Variants in NBAS observed in about 807,000 individuals in gnomAD.
The protein encoded by NBAS is NAG/BC035112 fusion.
A neutral mutation model predicts 302.5 loss-of-function variants in NBAS; 219 were observed. The observed-to-expected ratio is 0.72, with a 90% confidence interval of 0.65 to 0.81. The LOEUF is 0.81. Among genes scored for constraint, NBAS ranks in the 30% least tolerant of loss-of-function variants. The probability of loss-of-function intolerance (pLI) is 0.00; values close to 1 mark genes in which losing one functional copy is unlikely to be tolerated. For synonymous variants in NBAS, 1,118 were observed against 1,021.6 expected (o/e 1.09, Z -1.80); for missense variants, 2,932 against 2,841.6 (o/e 1.03, Z -0.72).
chr2:15,282,844 T>C (rs1310016212), intron 42 of NBAS, among the ~76,000 whole-genome samples: 1 of 152,210 alleles, frequency 6.6e-6, no homozygotes, highest in Non-Finnish European at 1.5e-5. Context: ...ATGGTCTTCC[T>C]TTAGTTACTC....
chr2:15,244,132 A>C (rs1667983762), intron 44 of NBAS, among the ~76,000 whole-genome samples: 1 of 152,236 alleles, frequency 6.6e-6, no homozygotes, highest in Non-Finnish European at 1.5e-5. Flanking sequence ...ATTTCAAAAC[A>C]AATGAAAAGA....
At chr2:14,856,945 C>T in the NBAS span, among the ~76,000 whole-genome samples, 1 of 152,146 alleles carries the variant, frequency 6.6e-6, no homozygotes, top group South Asian at 2.1e-4. Context: ...CACAAGAAAA[C>T]TATGAGAAAT....
the NBAS span, among the ~76,000 whole-genome samples, chr2:15,034,727 G>C: frequency 6.6e-6 from 1 of 151,972 alleles, no homozygotes; most frequent in Non-Finnish European, 1.5e-5. Context: ...TTCATGTAAA[G>C]CATGAATGCA....
chr2:15,185,210 CA>C (rs1224446584), intron 50 of NBAS, among the ~76,000 whole-genome samples: 5 of 152,232 alleles, frequency 3.3e-5, no homozygotes, highest in African/African-American at 1.2e-4. Context: ...CATCAGCTGT[CA>C]AGTGGAGATA....
At chr2:15,011,920 T>G in the NBAS span, among the ~76,000 whole-genome samples, 1 of 152,104 alleles carries the variant, frequency 6.6e-6, no homozygotes, top group Non-Finnish European at 1.5e-5. Context: ...TATGAATGAG[T>G]ATTTTCCTAA....
chr2:15,441,356 AT>A (rs1248369266), intron 21 of NBAS, among the ~76,000 whole-genome samples: 1 of 152,212 alleles, frequency 6.6e-6, no homozygotes, highest in Non-Finnish European at 1.5e-5. Context: ...AATATTCAAC[AT>A]TCTTAAAGAA....
chr2:15,519,012 G>A (rs1572960296), intron 9 of NBAS, among the ~76,000 whole-genome samples: 2 of 152,180 alleles, frequency 1.3e-5, no homozygotes, highest in Non-Finnish European at 2.9e-5. Flanking sequence ...GATTTGGGTG[G>A]GGACACAGAG....
chr2:14,827,998 C>T, the NBAS span, among the ~76,000 whole-genome samples: 5 of 152,082 alleles, frequency 3.3e-5, no homozygotes, highest in Non-Finnish European at 7.4e-5. Flanking sequence ...TTTGGCTTAA[C>T]ATTTTAGAAA....
intron 21 of NBAS, among the ~76,000 whole-genome samples, chr2:15,454,497 C>G (rs903462909): frequency 6.6e-6 from 1 of 152,082 alleles, no homozygotes; most frequent in Non-Finnish European, 1.5e-5. Flanking sequence ...CAAATTTATT[C>G]CAATGAATGG....
At position 15,427,812 on chromosome 2, in the gene NBAS, A is replaced by G; in HGVS notation, c.2340-18T>C. The G allele has an allele frequency of 2.5e-6, 4 of 1,582,894 alleles. No individual in the cohort carries two copies. The highest frequency in any genetic ancestry group is 1.1e-5 in the South Asian group (1 of 88,398). On this transcript the variant is annotated intron_variant, in intron 21 of 51. Coordinates refer to ENST00000281513, the MANE Select transcript of NBAS (RefSeq NM_015909.4). ...CGTTAAAACTCAAATTTAAAAAAAA[A>G]TAAGTGTTTAAAATTCACATTACCT...
the NBAS span, among the ~76,000 whole-genome samples, chr2:15,135,326 T>G: frequency 6.6e-6 from 1 of 152,260 alleles, no homozygotes; most frequent in Admixed American, 6.5e-5. Context: ...GAGTTTGAAA[T>G]GAATCATTGC....
the NBAS span, among the ~76,000 whole-genome samples, chr2:15,073,488 A>AT: frequency 1.4e-5 from 2 of 143,892 alleles, no homozygotes; most frequent in South Asian, 2.2e-4. Flanking sequence ...AAAAAAAAAA[A>AT]AAATAAAAAA....
At chr2:14,972,132 G>A in the NBAS span, among the ~76,000 whole-genome samples, 4 of 152,180 alleles carry the variant, frequency 2.6e-5, no homozygotes, top group Non-Finnish European at 4.4e-5. Flanking sequence ...AAAAAGGAAT[G>A]AGATCATGTC....
At chr2:15,451,705 C>T (rs1679020240) in intron 21 of NBAS, among the ~76,000 whole-genome samples, 1 of 152,184 alleles carries the variant, frequency 6.6e-6, no homozygotes, top group East Asian at 1.9e-4. Context: ...CAAAAAGTCT[C>T]CACGTTTGCC....
At chr2:14,807,202 A>G in the NBAS span, among the ~76,000 whole-genome samples, 1 of 152,144 alleles carries the variant, frequency 6.6e-6, no homozygotes, top group African/African-American at 2.4e-5. Flanking sequence ...AAATTTCTCA[A>G]TCATGACAGG....
chr2:15,402,234 C>T lies in NBAS; in HGVS notation c.3005G>A (p.Cys1002Tyr). 7.4e-6 allele frequency: 12 copies of T among 1,613,588 alleles called. No homozygotes were observed. The highest frequency in any genetic ancestry group is 1.0e-5 in the Non-Finnish European group (12 of 1,179,678). The change falls in exon 26 of 52, where the codon TGT becomes TAT. Residue 1002 changes from cysteine (C) to tyrosine (Y), a missense_variant. Coordinates refer to ENST00000281513, the MANE Select transcript of NBAS (RefSeq NM_015909.4). ...MAIALECIYT[C>Y]ERNDQLCLCY... Reference sequence around the variant, plus strand: ...AAGACAGAGTTGATCATTTCGTTCACAGGTATAGATGCACTCTAGTGCTAT... The same window carrying T: ...AAGACAGAGTTGATCATTTCGTTCATAGGTATAGATGCACTCTAGTGCTAT...
At chr2:14,816,004 C>A in the NBAS span, among the ~76,000 whole-genome samples, 104 of 152,330 alleles carry the variant, frequency 6.8e-4, no homozygotes, top group Middle Eastern at 6.8e-3. Flanking sequence ...AGCTTGACAA[C>A]TGGTCTCCCT....
At chr2:14,898,060 A>T in the NBAS span, among the ~76,000 whole-genome samples, 3 of 152,186 alleles carry the variant, frequency 2.0e-5, no homozygotes, top group Non-Finnish European at 2.9e-5. Context: ...GAATCAGAAG[A>T]ACCTAGGCTT....
intron 44 of NBAS, among the ~76,000 whole-genome samples, chr2:15,264,229 A>G (rs965140054): frequency 3.9e-5 from 6 of 152,216 alleles, no homozygotes; most frequent in African/African-American, 1.4e-4. Context: ...TTATCGTGTT[A>G]AAATATGTTT....
Sources: allele counts gnomAD v4.1 joint callset (sites outside exome capture counted in the v4.1 genomes callset), GRCh38; gene constraint gnomAD v4.1.1; transcripts MANE v1.5; gene names NCBI Gene and HGNC (gene_info 2026-07-23, HGNC 2026-07-21).